FANCD2: variants seen among roughly 807,000 people sequenced by gnomAD.
FANCD2 encodes the protein Fanconi anemia group D2 protein.
A neutral mutation model predicts 192.3 loss-of-function variants in FANCD2; 131 were observed. The observed-to-expected ratio is 0.68, with a 90% CI of 0.59 to 0.79. FANCD2 has a LOEUF of 0.79. Among genes scored for constraint, FANCD2 ranks in the 30% least tolerant of loss-of-function variants. The pLI is 0.00. For synonymous variants in FANCD2, 524 were observed against 612.5 expected (o/e 0.86, Z 2.13); for missense variants, 1,508 against 1,701.6 (o/e 0.89, Z 2.00).
At position 10,101,488 on chromosome 3, in the gene FANCD2, C is replaced by T. The variant is rs758652840; in HGVS notation, c.*226C>T. ...GCAACCTCCATCTCCTAGGTTCAAG[C>T]GATTCTCCTGCCTCAGCCTCCTGAG... is the stretch of plus-strand genomic sequence containing the variant. On this transcript the variant is annotated 3_prime_UTR_variant, in exon 44 of 44. Coordinates refer to ENST00000675286, the MANE Select transcript of FANCD2 (RefSeq NM_001018115.3). The T allele has an allele frequency of 1.4e-5, 7 of 492,240 alleles. No homozygotes were observed. The East Asian group carries it at 1.7e-4, about 12-fold the overall frequency. 30.5% of individuals were successfully genotyped at this position (492,240 alleles called of 1,614,324 possible).
chr3:10,056,886 A>T (rs561183655), intron 18 of FANCD2, among the ~76,000 whole-genome samples: 1 of 151,964 alleles, frequency 6.6e-6, no homozygotes, highest in Admixed American at 6.6e-5. Flanking sequence ...ATGGGGTCTC[A>T]CTCTGTCACA....
chr3:10,096,216 C>T, intron 41 of FANCD2, 110 bp from the exon 42 acceptor site: 1 of 1,085,728 alleles, frequency 9.2e-7, no homozygotes, highest in South Asian at 1.3e-5. Context: ...ATACCGTTGG[C>T]CCATACTGGC....
intron 23 of FANCD2, among the ~76,000 whole-genome samples, chr3:10,065,116 C>A (rs1326831269): frequency 6.6e-6 from 1 of 152,156 alleles, no homozygotes; most frequent in Non-Finnish European, 1.5e-5. Flanking sequence ...TGGCGAAACA[C>A]TGTCTCTACT....
At chr3:10,064,530 G>C in intron 22 of FANCD2, 101 bp downstream of exon 22, 1 of 1,304,272 alleles carries the variant, frequency 7.7e-7, no homozygotes, top group Non-Finnish European at 1.1e-6. Flanking sequence ...CTCAGCCACA[G>C]CTGCCCAGTC....
chr3:10,046,619 A>G lies in FANCD2; in HGVS notation c.1174A>G (p.Asn392Asp). ...LVMLFIIYST[N>D]TQTKKYIDRV... ...GATGCTTTTCATCATCTATAGCACC[A>G]ATACTCAGACAAAGAAGTACATTGA... Residue 392 changes from asparagine (N) to aspartate (D), a missense_variant, in exon 15 of 44, where the codon AAT (asparagine) becomes GAT (aspartate). By Grantham distance (23) the Asn-to-Asp change is conservative. This residue lies in a region of FANCD2 where 108 missense variants were observed against 174.1 expected (regional missense o/e 0.62). Transcript: ENST00000675286. 1 of 1,614,274 alleles carries G rather than the reference A, an allele frequency of 6.2e-7. No individual in the cohort carries two copies. The highest frequency in any genetic ancestry group is 8.5e-7 in the Non-Finnish European group (1 of 1,180,046).
intron 39 of FANCD2, 69 bp downstream of exon 39, chr3:10,093,392 T>G: frequency 7.8e-7 from 1 of 1,285,018 alleles, no homozygotes; most frequent in Non-Finnish European, 1.1e-6. Context: ...GGACCTCAGC[T>G]GAGATAAATT....
chr3:10,073,934 ACAGTTTT>A (rs1693389180), intron 28 of FANCD2, among the ~76,000 whole-genome samples: 1 of 151,636 alleles, frequency 6.6e-6, no homozygotes, highest in South Asian at 2.1e-4. Flanking sequence ...CCCTAAGCTC[ACAGTTTT>A]TTGTTTTTTG....
chr3:10,057,285 C>G (rs1180012029), intron 18 of FANCD2, among the ~76,000 whole-genome samples: 1 of 152,080 alleles, frequency 6.6e-6, no homozygotes, highest in East Asian at 1.9e-4. Context: ...TTTTCACTCC[C>G]TTGATAGTGT....
At chr3:10,075,332 C>T (rs371726359) in intron 29 of FANCD2, among the ~76,000 whole-genome samples, 17 of 152,032 alleles carry the variant, frequency 1.1e-4, no homozygotes, top group African/African-American at 3.1e-4. Context: ...TATAGGCATC[C>T]GCCATCACAC....
chr3:10,043,209 T>A, intron 12 of FANCD2, 59 bp downstream of exon 12: 2 of 1,212,706 alleles, frequency 1.6e-6, no homozygotes, highest in South Asian at 2.4e-5. Flanking sequence ...CTGTCAGAGT[T>A]AGAGCTTAAT....
intron 37 of FANCD2, among the ~76,000 whole-genome samples, chr3:10,091,230 G>A (rs1490852035): frequency 2.0e-5 from 3 of 150,484 alleles, no homozygotes; most frequent in Admixed American, 6.7e-5. Flanking sequence ...ACAGGTGCAC[G>A]CCACCATGCC....
intron 30 of FANCD2, among the ~76,000 whole-genome samples, chr3:10,079,249 T>TAA (rs535631815): frequency 7.3e-6 from 1 of 136,884 alleles, no homozygotes. Context: ...GTCTCAGAAA[T>TAA]AAAAAAAAAA....
At chr3:10,056,326 G>T in intron 18 of FANCD2, among the ~76,000 whole-genome samples, 1 of 152,012 alleles carries the variant, frequency 6.6e-6, no homozygotes, top group East Asian at 1.9e-4. Flanking sequence ...AGTTTTTTAG[G>T]GTGTATATCT....
chr3:10,046,268 T>C (rs2087006265), intron 14 of FANCD2, among the ~76,000 whole-genome samples: 1 of 151,936 alleles, frequency 6.6e-6, no homozygotes, highest in Admixed American at 6.6e-5. Flanking sequence ...TTAGTCAGGA[T>C]GGTCTCGATC....
intron 19 of FANCD2, among the ~76,000 whole-genome samples, chr3:10,061,911 A>G (rs563930793): frequency 6.9e-6 from 1 of 145,364 alleles, no homozygotes; most frequent in Non-Finnish European, 1.5e-5. Flanking sequence ...ATAGGTGGTA[A>G]TTGAACAATG....
At chr3:10,088,343 T>C in intron 34 of FANCD2, 106 bp from the exon 35 acceptor site, 2 of 818,764 alleles carry the variant, frequency 2.4e-6, no homozygotes, top group South Asian at 2.7e-5. Context: ...TCTTAGTAAA[T>C]CTAAACTAAT....
intron 7 of FANCD2, among the ~76,000 whole-genome samples, chr3:10,036,992 G>T (rs923864943): frequency 1.4e-4 from 21 of 150,728 alleles, no homozygotes; most frequent in Admixed American, 7.3e-4. Context: ...TGCGCCACCC[G>T]GTCCAGCTAA....
chr3:10,050,636 A>AG, intron 17 of FANCD2, among the ~76,000 whole-genome samples: 1 of 151,870 alleles, frequency 6.6e-6, no homozygotes, highest in East Asian at 1.9e-4. Flanking sequence ...AAAAAAAAAA[A>AG]AAAAAAAGGC....
At chr3:10,075,473 C>T (rs1043958077) in intron 29 of FANCD2, among the ~76,000 whole-genome samples, 6 of 152,022 alleles carry the variant, frequency 3.9e-5, no homozygotes, top group Admixed American at 1.3e-4. Flanking sequence ...CGCAAGCCCC[C>T]GTGCCCGGCC....
Sources: allele counts gnomAD v4.1 joint callset (sites outside exome capture counted in the v4.1 genomes callset), GRCh38; gene constraint gnomAD v4.1.1; regional missense constraint gnomAD v4.1.1; transcripts MANE v1.5; gene names NCBI Gene and HGNC (gene_info 2026-07-23, HGNC 2026-07-21).